Variants in PDE4DIP observed in about 807,000 individuals in gnomAD.
PDE4DIP encodes the protein phosphodiesterase 4D interacting protein.
In PDE4DIP, 59 loss-of-function variants were observed where a neutral mutation model predicts 221.4. That is an observed-to-expected ratio of 0.27 (90% CI 0.22 to 0.33). The LOEUF (loss-of-function observed/expected upper bound fraction) is 0.33, where lower values mean the gene tolerates loss of function less well. PDE4DIP is among the 10% of genes least tolerant of loss of function. PDE4DIP has a pLI of 1.00. For missense variants in PDE4DIP, 1,036 were observed against 2,154.2 expected (o/e 0.48, Z 10.28); for synonymous variants, 404 against 815.9 (o/e 0.50, Z 8.60).
intron 20 of PDE4DIP, among the ~76,000 whole-genome samples, chr1:148,980,284 C>T (rs587720326): frequency 2.6e-5 from 4 of 152,186 alleles, no homozygotes; most frequent in East Asian, 1.9e-4. Context: ...CCCAGCTACT[C>T]GGGAAGCTGA....
chr1:148,912,224 A>G (rs604886), intron 1 of PDE4DIP, among the ~76,000 whole-genome samples: 12,482 of 104,648 alleles, frequency 0.12, 766 homozygotes, highest in African/African-American at 0.15. Flanking sequence ...CTGAGGCAAT[A>G]AAAGCATCCT....
At chr1:148,886,304 A>G (rs10494238), upstream of PDE4DIP, among the ~76,000 whole-genome samples, 22 of 814 alleles carry the variant, frequency 0.027, no homozygotes, top group East Asian at 0.091. Flanking sequence ...TTGGAAATCT[A>G]TGAGAATAAT....
chr1:149,017,494 C>T, intron 33 of PDE4DIP: 1 of 387,434 alleles, frequency 2.6e-6, no homozygotes, highest in South Asian at 2.8e-5. Flanking sequence ...AAACGTGGAA[C>T]TCTCACAAGA....
intron 2 of PDE4DIP, chr1:148,866,605 GAA>G (rs1558592833): frequency 5.1e-4 from 17 of 33,594 alleles, no homozygotes; most frequent in Non-Finnish European, 8.6e-4. Flanking sequence ...AGGAAGGAAG[GAA>G]GGGAGGGAGG....
chr1:149,017,826 A>G, exon 34 of PDE4DIP: 1 of 1,613,412 alleles, frequency 6.2e-7, no homozygotes, highest in Non-Finnish European at 8.5e-7. Context: ...TGCATCAATG[A>G]CCGCCTACGG....
chr1:148,975,335 A>G (rs587738788), intron 17 of PDE4DIP, among the ~76,000 whole-genome samples: 3 of 145,512 alleles, frequency 2.1e-5, no homozygotes, highest in African/African-American at 7.8e-5. Context: ...TTCATGTGCA[A>G]TGTACTGTGC....
intron 1 of PDE4DIP, among the ~76,000 whole-genome samples, chr1:148,840,186 GA>G (rs1296458166): frequency 3.4e-5 from 3 of 87,266 alleles, no homozygotes; most frequent in African/African-American, 9.8e-5. Flanking sequence ...GACACCTTCC[GA>G]TTTTTTGTCC....
intron 1 of PDE4DIP, among the ~76,000 whole-genome samples, chr1:148,815,046 G>T (rs1667351727): frequency 1.0e-5 from 1 of 100,062 alleles, no homozygotes; most frequent in Non-Finnish European, 2.1e-5. Flanking sequence ...CTTCTATTTG[G>T]TCGGAGTTAA....
intron 20 of PDE4DIP, 82 bp downstream of exon 23, chr1:148,979,931 C>T: frequency 6.6e-7 from 1 of 1,506,950 alleles, no homozygotes. Flanking sequence ...TTTTATTCTT[C>T]ATTAAGTGCA....
intron 5 of PDE4DIP, among the ~76,000 whole-genome samples, chr1:148,954,747 A>G (rs880002534): frequency 3.3e-5 from 5 of 151,852 alleles, no homozygotes; most frequent in Non-Finnish European, 7.4e-5. Flanking sequence ...TTTAAATTCA[A>G]CTATGGTAGT....
At chr1:148,835,775 T>C (rs2500359) in intron 1 of PDE4DIP, among the ~76,000 whole-genome samples, 1 of 75,956 alleles carries the variant, frequency 1.3e-5, no homozygotes, top group Non-Finnish European at 2.5e-5. Flanking sequence ...GATGTTGCTG[T>C]CTGATCGTTC....
chr1:148,864,956 C>T (rs1445579401), intron 2 of PDE4DIP, among the ~76,000 whole-genome samples: 2 of 136,134 alleles, frequency 1.5e-5, no homozygotes, highest in South Asian at 2.2e-4. Context: ...AGCCTCAAGG[C>T]ATTGCTCTTT....
At chr1:148,864,766 G>T (rs1178520372) in intron 2 of PDE4DIP, among the ~76,000 whole-genome samples, 1 of 102,928 alleles carries the variant, frequency 9.7e-6, no homozygotes, top group African/African-American at 4.4e-5. Context: ...TGAGGGGAAT[G>T]GATAAAATGC....
exon 44 of PDE4DIP, chr1:149,032,880 T>C (rs1055500): frequency 0.012 from 2,539 of 206,874 alleles, 48 homozygotes; most frequent in African/African-American, 0.038. Flanking sequence ...ATATATGATA[T>C]AGATTTATAT....
exon 13 of PDE4DIP, chr1:148,967,858 A>G (rs150042542): frequency 2.0e-4 from 222 of 1,120,270 alleles, no homozygotes; most frequent in Non-Finnish European, 2.7e-4. Flanking sequence ...AGAGAGTATC[A>G]TTCAGCAGTT....
rs2049445479 is a variant in PDE4DIP, at chr1:148,937,394, A to C, written c.519-353A>C. ...GTACTTGGTAGAGTGCATTGAGTAC[A>C]CAAAATAGTTATCCAAGAACCGTTT... On this transcript the variant is annotated intron_variant, in intron 4 of 43. Coordinates refer to ENST00000369354, the Ensembl canonical transcript of PDE4DIP. Among the ~76,000 whole-genome samples the C allele has an allele frequency of 2.0e-5, 3 of 152,304 alleles. No homozygotes were observed. In the South Asian group the frequency reaches 6.2e-4, roughly 32 times the overall value.
rs587626720 is a variant in PDE4DIP at position 148,971,374 on chromosome 1, C to T, written c.1981-806C>T. Among the ~76,000 whole-genome samples the T allele has an allele frequency of 2.0e-5, 3 of 147,248 alleles. 1 individual carries two copies. The highest frequency in any genetic ancestry group is 7.5e-5 in the African/African-American group (3 of 40,042). ...ATCTATTAGATAATGGTAAGTGCAT[C>T]GAAAAAAAATTAAGCACAGTAAGAA... On this transcript the variant is annotated intron_variant, in intron 14 of 43. Transcript: ENST00000369354.
intron 32 of PDE4DIP, among the ~76,000 whole-genome samples, chr1:149,014,036 C>T (rs2069559248): frequency 6.6e-6 from 1 of 151,972 alleles, no homozygotes; most frequent in Non-Finnish European, 1.5e-5. Context: ...GATTGGCCCA[C>T]CTTGGTTTCT....
At chr1:148,820,611 A>AATG (rs1668863421) in intron 1 of PDE4DIP, among the ~76,000 whole-genome samples, 1 of 146,828 alleles carries the variant, frequency 6.8e-6, no homozygotes, top group African/African-American at 2.5e-5. Flanking sequence ...TAGATGACAA[A>AATG]ATGTCAAGTC....
Sources: allele counts gnomAD v4.1 joint callset (sites outside exome capture counted in the v4.1 genomes callset), GRCh38; gene constraint gnomAD v4.1.1; transcripts MANE v1.5; gene names NCBI Gene and HGNC (gene_info 2026-07-23, HGNC 2026-07-21).